ATP10A: variants seen among roughly 807,000 people sequenced by gnomAD.
The protein encoded by ATP10A is phospholipid-transporting ATPase VA.
ATP10A carries 111 observed loss-of-function variants against 147.8 expected under a neutral mutation model. The observed-to-expected ratio is 0.75, with a 90% CI of 0.64 to 0.88. The LOEUF is 0.88. ATP10A is among the 40% of genes least tolerant of loss of function. The pLI, the probability that ATP10A is intolerant of heterozygous loss-of-function variation, is 0.00. For synonymous variants in ATP10A, 875 were observed against 841.6 expected, an observed-to-expected ratio of 1.04 and a Z score of -0.69; for missense variants, 1,927 against 1,959.0, an observed-to-expected ratio of 0.98 and a Z score of 0.31.
At chr15:25,694,767 G>A in intron 14 of ATP10A, 52 bp downstream of exon 14, 1 of 1,492,694 alleles carries the variant, frequency 6.7e-7, no homozygotes, top group Non-Finnish European at 9.1e-7. Flanking sequence ...GAAGGGTAGA[G>A]GAAGTTTGGG....
At chr15:25,796,440 T>C (rs758390966) in intron 1 of ATP10A, among the ~76,000 whole-genome samples, 4 of 152,202 alleles carry the variant, frequency 2.6e-5, no homozygotes, top group Non-Finnish European at 5.9e-5. Flanking sequence ...CTTATAAATA[T>C]GAGTGTGGCA....
chr15:25,851,668 G>A (rs959379529), intron 1 of ATP10A, among the ~76,000 whole-genome samples: 3 of 152,106 alleles, frequency 2.0e-5, no homozygotes, highest in Non-Finnish European at 4.4e-5. Flanking sequence ...AGTGGGGATC[G>A]GATCTATTCC....
chr15:25,823,725 C>A (rs1169924617), intron 1 of ATP10A, among the ~76,000 whole-genome samples: 1 of 152,168 alleles, frequency 6.6e-6, no homozygotes, highest in African/African-American at 2.4e-5. Context: ...TTGCCCACAA[C>A]CAAAATGTTC....
intron 1 of ATP10A, among the ~76,000 whole-genome samples, chr15:25,794,364 A>C (rs2140756218): frequency 6.6e-6 from 1 of 151,214 alleles, no homozygotes; most frequent in Admixed American, 6.6e-5. Flanking sequence ...TAAATATAAG[A>C]AGCAAAAAAA....
At chr15:25,745,080 C>T (rs568453040) in intron 2 of ATP10A, among the ~76,000 whole-genome samples, 1 of 152,282 alleles carries the variant, frequency 6.6e-6, no homozygotes, top group East Asian at 1.9e-4. Flanking sequence ...AATCCCAGCA[C>T]TTTGGGAGGC....
chr15:25,719,296 C>G (rs1039194960), intron 7 of ATP10A, among the ~76,000 whole-genome samples: 3 of 152,132 alleles, frequency 2.0e-5, no homozygotes, highest in Admixed American at 6.5e-5. Flanking sequence ...CTTAATAGAC[C>G]CTCTGTGAGA....
intron 1 of ATP10A, among the ~76,000 whole-genome samples, chr15:25,844,793 C>T (rs1245588006): frequency 3.3e-5 from 5 of 152,184 alleles, no homozygotes; most frequent in Non-Finnish European, 7.3e-5. Context: ...CGTCTGGGGA[C>T]ATGCTTAGCC....
chr15:25,751,132 G>T (rs1230028543), intron 2 of ATP10A, among the ~76,000 whole-genome samples: 3 of 152,020 alleles, frequency 2.0e-5, no homozygotes, highest in African/African-American at 7.2e-5. Context: ...GTTATATAAG[G>T]TTATGCTGTA....
intron 1 of ATP10A, among the ~76,000 whole-genome samples, chr15:25,818,140 T>C (rs1891742782): frequency 6.6e-6 from 1 of 152,140 alleles, no homozygotes; most frequent in Non-Finnish European, 1.5e-5. Flanking sequence ...AATTCACTAA[T>C]ATATTAAAAA....
At chr15:25,840,692 A>C (rs532699220) in intron 1 of ATP10A, among the ~76,000 whole-genome samples, 5 of 152,112 alleles carry the variant, frequency 3.3e-5, no homozygotes, top group Non-Finnish European at 5.9e-5. Flanking sequence ...CAACTGGTGG[A>C]TTATATGACA....
At position 25,772,697 on chromosome 15, in the gene ATP10A, C is replaced by T. The variant is rs139655012; in HGVS notation, c.654+8322G>A. Reference sequence around the variant, plus strand: ...GGTCAGTTGTGACAGGTGAGTGGAACGACCCTGAAGATCTGGCACAATTCC... The same window carrying T: ...GGTCAGTTGTGACAGGTGAGTGGAATGACCCTGAAGATCTGGCACAATTCC... On this transcript the variant is annotated intron_variant, in intron 2 of 20. Transcript: ENST00000555815. Among the ~76,000 whole-genome samples, 118 of 152,252 alleles carry T rather than the reference C, an allele frequency of 7.8e-4. 1 individual carries two copies. The East Asian group carries it at 0.016, about 20-fold the overall frequency.
chr15:25,718,769 C>T (rs114704376), intron 7 of ATP10A, among the ~76,000 whole-genome samples: 1,761 of 152,250 alleles, frequency 0.012, 45 homozygotes, highest in African/African-American at 0.041. Context: ...CAGAGGGTGG[C>T]AGGCCTTCCA....
intron 1 of ATP10A, among the ~76,000 whole-genome samples, chr15:25,801,496 G>A (rs955213162): frequency 6.6e-5 from 10 of 152,306 alleles, no homozygotes; most frequent in South Asian, 6.2e-4. Context: ...AGCATCCTGC[G>A]TCAGGCAGAG....
chr15:25,710,365 G>A (rs1364928101), intron 10 of ATP10A: 1 of 152,402 alleles, frequency 6.6e-6, no homozygotes, highest in Non-Finnish European at 1.5e-5. Flanking sequence ...AGGAGCAGGA[G>A]GCTAAGGGGC....
At chr15:25,777,782 C>T (rs55747384) in intron 2 of ATP10A, among the ~76,000 whole-genome samples, 65,873 of 139,874 alleles carry the variant, frequency 0.47, 16,299 homozygotes, top group African/African-American at 0.6. Flanking sequence ...TTCTTTCTTT[C>T]TTTTTTTTTT....
At chr15:25,848,262 G>A (rs1469074099) in intron 1 of ATP10A, among the ~76,000 whole-genome samples, 1 of 152,136 alleles carries the variant, frequency 6.6e-6, no homozygotes, top group East Asian at 1.9e-4. Context: ...ACAACTTGGT[G>A]GCTTGAAGTA....
At chr15:25,687,435 G>T (rs1325496488) in intron 16 of ATP10A, among the ~76,000 whole-genome samples, 1 of 151,884 alleles carries the variant, frequency 6.6e-6, no homozygotes, top group African/African-American at 2.4e-5. Flanking sequence ...TTCTCACTCT[G>T]CAGCCATCAG....
At chr15:25,764,006 C>T (rs1802574060) in intron 2 of ATP10A, among the ~76,000 whole-genome samples, 1 of 152,116 alleles carries the variant, frequency 6.6e-6, no homozygotes, top group African/African-American at 2.4e-5. Flanking sequence ...CCAAGGACAA[C>T]AATTAGAGAA....
At chr15:25,840,021 C>CA (rs1354957992) in intron 1 of ATP10A, among the ~76,000 whole-genome samples, 1 of 152,186 alleles carries the variant, frequency 6.6e-6, no homozygotes, top group Non-Finnish European at 1.5e-5. Context: ...CAAGACCCCT[C>CA]ATGCTACCTC....
Sources: gnomAD v4.1 joint callset for allele counts (sites outside exome capture counted in the v4.1 genomes callset) on GRCh38, gnomAD v4.1.1 for gene constraint, MANE v1.5 for transcripts, NCBI Gene and HGNC (gene_info 2026-07-23, HGNC 2026-07-21) for gene names.